The following MPRIP variants were observed in gnomAD, a reference collection of about 807,000 sequenced individuals.
MPRIP encodes the protein myosin phosphatase Rho interacting protein, also known as myosin phosphatase Rho-interacting protein.
In MPRIP, 59 loss-of-function variants were observed where a neutral mutation model predicts 234.9. The observed-to-expected ratio is 0.25, with a 90% confidence interval of 0.20 to 0.31. The LOEUF (loss-of-function observed/expected upper bound fraction) is 0.31, where lower values mean the gene tolerates loss of function less well. Ranked by LOEUF, MPRIP falls within the 10% of genes least tolerant of loss-of-function variation. The probability of loss-of-function intolerance (pLI) is 1.00; values close to 1 mark genes in which losing one functional copy is unlikely to be tolerated. For synonymous variants in MPRIP, 1,144 were observed against 1,263.9 expected, an observed-to-expected ratio of 0.91 and a Z score of 2.01; for missense variants, 2,436 against 3,071.0, an observed-to-expected ratio of 0.79 and a Z score of 4.89.
At chr17:17,154,490 C>G in intron 13 of MPRIP, 75 bp downstream of exon 13, 1 of 1,302,714 alleles carries the variant, frequency 7.7e-7, no homozygotes, top group Non-Finnish European at 1.1e-6. Context: ...GTGTCAGACT[C>G]AGGTCTGAAG....
chr17:17,055,996 G>C (rs552744037), intron 1 of MPRIP, among the ~76,000 whole-genome samples: 2 of 152,204 alleles, frequency 1.3e-5, no homozygotes, highest in Non-Finnish European at 2.9e-5. Flanking sequence ...GCAAAGCCGG[G>C]AGGAAACCCA....
chr17:17,127,932 T>C (rs940081808), intron 4 of MPRIP, among the ~76,000 whole-genome samples: 6 of 151,568 alleles, frequency 4.0e-5, no homozygotes, highest in Non-Finnish European at 7.4e-5. Context: ...TCTGCGGGGG[T>C]GTGCTCTCCC....
At chr17:17,145,302 G>T (rs1463161984) in intron 9 of MPRIP, among the ~76,000 whole-genome samples, 1 of 152,190 alleles carries the variant, frequency 6.6e-6, no homozygotes, top group East Asian at 1.9e-4. Flanking sequence ...GCTAGCTTCT[G>T]CTCAGATGGC....
intron 2 of MPRIP, 47 bp downstream of exon 2, chr17:17,075,834 C>T (rs763788436): frequency 6.3e-7 from 1 of 1,575,442 alleles, no homozygotes; most frequent in Non-Finnish European, 8.7e-7. Context: ...GAGAAGGGAC[C>T]CATCTAAGGG....
intron 2 of MPRIP, chr17:17,076,001 C>T: frequency 1.9e-6 from 1 of 515,582 alleles, no homozygotes; most frequent in East Asian, 3.2e-5. Context: ...GAATGAGGAG[C>T]TCTCATGTGG....
chr17:17,059,842 T>C (rs1597728824), intron 1 of MPRIP, among the ~76,000 whole-genome samples: 1 of 152,066 alleles, frequency 6.6e-6, no homozygotes, highest in African/African-American at 2.4e-5. Flanking sequence ...GTCTGCAGGG[T>C]CCCGGGTGGG....
In MPRIP at chr17:17,166,819, TGTCCTGGGACCTGAGCCCCTTAGGAGAA is replaced by T; in HGVS notation, c.5237_5264del (p.Asp1746AlafsTer32). 1 of 1,304,222 alleles carries T rather than the reference TGTCCTGGGACCTGAGCCCCTTAGGAGAA, an allele frequency of 7.7e-7. No homozygotes were observed. Among genetic ancestry groups the T allele is most frequent in the Non-Finnish European group, 1.0e-6 (1 of 988,966 alleles). The allele number at this position is 1,304,222 out of a possible 1,614,324, so 80.8% of individuals were successfully genotyped here. A position where few individuals can be genotyped will look rare whatever the true frequency, so the allele number is the denominator to read the frequency against. ...GCGGGCCATGAAGATGGTGTTCAGC[TGTCCTGGGACCTGAGCCCCTTAGGAGAA>T]GTCCTGGGCCGAGACTCAGACAGCT... On this transcript the variant is annotated frameshift_variant, in exon 16 of 24. Coordinates refer to ENST00000651222, the MANE Select transcript of MPRIP (RefSeq NM_001364716.4). LOFTEE classifies it high-confidence loss of function. This position sits in a 1 kb window ranked among gnomAD's most constrained non-coding sequence, Gnocchi z 4.4.
chr17:17,050,288 C>T (rs944813271), intron 1 of MPRIP, among the ~76,000 whole-genome samples: 1 of 137,894 alleles, frequency 7.3e-6, no homozygotes, highest in Non-Finnish European at 1.5e-5. Flanking sequence ...GCACTCCAGC[C>T]TGGGCAATAG....
chr17:17,048,480 C>A (rs1290323016), intron 1 of MPRIP, among the ~76,000 whole-genome samples: 1 of 152,096 alleles, frequency 6.6e-6, no homozygotes, highest in Non-Finnish European at 1.5e-5. Context: ...CGCATCCCCC[C>A]CTTGTAGAAG....
chr17:17,178,739 AC>A (rs935619730), intron 22 of MPRIP: 1 of 151,342 alleles, frequency 6.6e-6, no homozygotes, highest in African/African-American at 2.4e-5. Flanking sequence ...ACATGGCAAA[AC>A]CCTGTCTCTA....
At chr17:17,163,371 A>C (rs1597487420) in intron 15 of MPRIP, among the ~76,000 whole-genome samples, 2 of 151,932 alleles carry the variant, frequency 1.3e-5, no homozygotes, top group Non-Finnish European at 2.9e-5. Flanking sequence ...CATGCCTTTC[A>C]GTGTGGGGAG....
chr17:17,091,701 C>T (rs941633343), intron 3 of MPRIP, among the ~76,000 whole-genome samples: 3 of 152,260 alleles, frequency 2.0e-5, no homozygotes, highest in Non-Finnish European at 2.9e-5. Flanking sequence ...TGCGGCTCTC[C>T]CTCAGGAAAA....
chr17:17,192,466 T>G lies in MPRIP; in HGVS notation c.*7572T>G, dbSNP rs2046614642. ...GGAGGGGCGTCTTGAGGCTTTTTTT[T>G]TTTTTACAAAGTTAGTTTGTGATCA... On this transcript the variant is annotated 3_prime_UTR_variant, in exon 24 of 24. Coordinates refer to ENST00000651222, the MANE Select transcript of MPRIP (RefSeq NM_001364716.4). 1 of 147,946 alleles carries G rather than the reference T, an allele frequency of 6.8e-6. No homozygotes were observed. Among genetic ancestry groups the G allele is most frequent in the Admixed American group, 7.0e-5 (1 of 14,330 alleles). The allele number at this position is 147,946 out of a possible 1,614,324, so 9.2% of individuals were successfully genotyped here. A position where few individuals can be genotyped will look rare whatever the true frequency, so the allele number is the denominator to read the frequency against.
In MPRIP at chr17:17,166,265, G is replaced by A; in HGVS notation, c.4674G>A (p.Glu1558=). ...AGTGCTCCCAGTCTGAGTTGACAGA[G>A]CAGGAGCAGGTGAGGCTTCTTTCTG... The part of the protein sequence containing the change: ...LQQCSQSELT[E]QEQVRLLSDQ... The change falls in exon 16 of 24, where the codon GAG becomes GAA. Residue 1558 remains glutamate, a synonymous_variant. Transcript: ENST00000651222. The surrounding 1 kb of genome is among the most constrained non-coding windows in gnomAD (Gnocchi z 4.4). 5.4e-6 allele frequency: 7 copies of A among 1,304,282 alleles called. No homozygotes were observed. Among genetic ancestry groups the A allele is most frequent in the African/African-American group, 1.5e-5 (1 of 66,006 alleles). The allele number at this position is 1,304,282 out of a possible 1,614,324, so 80.8% of individuals were successfully genotyped here.
chr17:17,099,244 C>G (rs1334504951), intron 3 of MPRIP, among the ~76,000 whole-genome samples: 1 of 152,170 alleles, frequency 6.6e-6, no homozygotes, highest in Non-Finnish European at 1.5e-5. Context: ...TCTTTCCAGG[C>G]TCTTGCTGGG....
At chr17:17,044,241 T>C (rs375303911) in intron 1 of MPRIP, among the ~76,000 whole-genome samples, 79 of 152,350 alleles carry the variant, frequency 5.2e-4, no homozygotes, top group African/African-American at 1.8e-3. Context: ...GACGGTCAGC[T>C]TGGGACGGAT....
chr17:17,073,865 CTA>C (rs914872558), intron 1 of MPRIP, among the ~76,000 whole-genome samples: 2 of 152,200 alleles, frequency 1.3e-5, no homozygotes, highest in African/African-American at 4.8e-5. Context: ...CCCTCCTGGA[CTA>C]TGTCTGCAGC....
At chr17:17,157,837 A>C (rs2045763202) in intron 13 of MPRIP, among the ~76,000 whole-genome samples, 2 of 152,078 alleles carry the variant, frequency 1.3e-5, no homozygotes, top group South Asian at 4.1e-4. Context: ...TCAAAAAAAA[A>C]AAAAACAAAA....
chr17:17,155,256 CTT>C (rs11337175), intron 13 of MPRIP, among the ~76,000 whole-genome samples: 7 of 144,046 alleles, frequency 4.9e-5, no homozygotes, highest in African/African-American at 2.5e-5. Flanking sequence ...AAAGCGTGTT[CTT>C]TTTTTTTTTT....
Sources: allele counts gnomAD v4.1 joint callset (sites outside exome capture counted in the v4.1 genomes callset), GRCh38; gene constraint gnomAD v4.1.1; non-coding constraint Gnocchi (gnomAD v3.1); transcripts MANE v1.5; gene names NCBI Gene and HGNC (gene_info 2026-07-23, HGNC 2026-07-21).